HEATR4: variants seen among roughly 807,000 people sequenced by gnomAD.
The protein encoded by HEATR4 is HEAT repeat containing 4, also known as HEAT repeat-containing protein 4.
HEATR4 carries 95 observed loss-of-function variants against 108.8 expected under a neutral mutation model. That is an observed-to-expected ratio of 0.87 (90% CI 0.74 to 1.04). The LOEUF (loss-of-function observed/expected upper bound fraction) is 1.04. Among genes scored for constraint, HEATR4 ranks in the 50% least tolerant of loss-of-function variants. HEATR4 has a pLI of 0.00. For missense variants in HEATR4, 1,152 were observed against 1,253.8 expected, an observed-to-expected ratio of 0.92 and a Z score of 1.23; for synonymous variants, 443 against 459.4, an observed-to-expected ratio of 0.96 and a Z score of 0.46.
At chr14:73,528,495 G>A (rs1333540581) in intron 2 of HEATR4, among the ~76,000 whole-genome samples, 3 of 151,826 alleles carry the variant, frequency 2.0e-5, no homozygotes, top group African/African-American at 7.3e-5. Context: ...GAAAAGGAAT[G>A]GGGACAGAAC....
chr14:73,591,747 A>AC, the HEATR4 span: 1 of 446,380 alleles, frequency 2.2e-6, no homozygotes, highest in East Asian at 3.6e-5. Context: ...CAAGGAGACG[A>AC]CCCTGAAGAG....
chr14:73,600,782 G>A, the HEATR4 span, among the ~76,000 whole-genome samples: 9 of 151,954 alleles, frequency 5.9e-5, no homozygotes, highest in Non-Finnish European at 1.2e-4. Flanking sequence ...AACTTTGTGG[G>A]GTTTTCTAAA....
At chr14:73,590,414 C>T in the HEATR4 span, among the ~76,000 whole-genome samples, 20 of 152,282 alleles carry the variant, frequency 1.3e-4, no homozygotes, top group South Asian at 4.1e-4. Flanking sequence ...CAGCTGGCTT[C>T]ACCCAGTGGA....
Position 73,509,507 on chromosome 14 carries a change from G to A in HEATR4, c.1559-34C>T, listed in dbSNP as rs749997671. ...AAAAGAGCCAGGTAAGAGAGTACTA[G>A]CCCCTTTGCTTTTCTCACACACAGC... On this transcript the variant is annotated intron_variant, in intron 7 of 17. Coordinates refer to ENST00000553558, the MANE Select transcript of HEATR4 (RefSeq NM_001220484.1). 5 of 1,606,818 alleles carry A rather than the reference G, an allele frequency of 3.1e-6. No individual in the cohort carries two copies. In the South Asian group the frequency reaches 5.5e-5, roughly 18 times the overall value.
Position 73,551,533 on chromosome 14 carries a change from C to T in HEATR4, c.-152+7218G>A, listed in dbSNP as rs1417864629. ...TTAAGAGACAAAATGGCAGGCCAGG[C>T]GCGGTGGCTCACGCCTGTAATCCCA... is the stretch of plus-strand genomic sequence containing the variant. On this transcript the variant is annotated intron_variant, in intron 1 of 17. Coordinates refer to ENST00000553558, the MANE Select transcript of HEATR4 (RefSeq NM_001220484.1). 2.6e-5 allele frequency among the ~76,000 whole-genome samples: 3 copies of T among 113,846 alleles called. 1 individual carries two copies. The highest frequency in any genetic ancestry group is 5.7e-5 in the Non-Finnish European group (3 of 52,320). The allele number at this position is 113,846 out of a possible 152,430, so 74.7% of individuals were successfully genotyped here.
chr14:73,579,626 A>AT, the HEATR4 span, among the ~76,000 whole-genome samples: 1 of 148,448 alleles, frequency 6.7e-6, no homozygotes, highest in Non-Finnish European at 1.5e-5. Context: ...TATGTTGCCC[A>AT]TGCTGGTCTT....
chr14:73,607,075 GCCGAGGT>G, the HEATR4 span, among the ~76,000 whole-genome samples: 1 of 152,212 alleles, frequency 6.6e-6, no homozygotes, highest in Non-Finnish European at 1.5e-5. Flanking sequence ...ACTTTGGGAG[GCCGAGGT>G]GGGTGGATCA....
intron 2 of HEATR4, chr14:73,529,336 C>A (rs1473679065): frequency 8.5e-6 from 1 of 118,016 alleles, no homozygotes; most frequent in Non-Finnish European, 1.6e-5. Flanking sequence ...GCCTGGGCAA[C>A]AGAGTGAGAC....
the HEATR4 span, among the ~76,000 whole-genome samples, chr14:73,624,239 C>A: frequency 1.1e-4 from 16 of 152,086 alleles, no homozygotes; most frequent in Admixed American, 3.9e-4. Context: ...TCTCCTACCT[C>A]AGCATCCCGA....
chr14:73,513,240 C>A (rs143035316), intron 6 of HEATR4, among the ~76,000 whole-genome samples: 3,038 of 152,020 alleles, frequency 0.02, 113 homozygotes, highest in African/African-American at 0.07. Flanking sequence ...GGGGAGATCA[C>A]CTGAAGTCAG....
chr14:73,555,451 TAA>T (rs1423412925), intron 1 of HEATR4, among the ~76,000 whole-genome samples: 2 of 99,060 alleles, frequency 2.0e-5, no homozygotes, highest in Admixed American at 1.1e-4. Context: ...TATTCTTAGT[TAA>T]AAAAAAAAAA....
At position 73,503,881 on chromosome 14, in the gene HEATR4, C is replaced by G. The variant is rs1886643498; in HGVS notation, c.1987-868G>C. ...ATAGACATACTGCCTTTCTTAGCTCCAGCAATCTGCCATGAAGTCCTCATC... is the reference window on the plus strand; with the variant it reads ...ATAGACATACTGCCTTTCTTAGCTCGAGCAATCTGCCATGAAGTCCTCATC... On this transcript the variant is annotated intron_variant, in intron 10 of 17. Transcript: ENST00000553558. Among the ~76,000 whole-genome samples the G allele has an allele frequency of 2.0e-5, 3 of 152,146 alleles. No individual in the cohort carries two copies. In the South Asian group the frequency reaches 6.2e-4, roughly 32 times the overall value.
chr14:73,560,221 G>C (rs1012492200), upstream of HEATR4, among the ~76,000 whole-genome samples: 6 of 152,090 alleles, frequency 3.9e-5, no homozygotes, highest in Non-Finnish European at 5.9e-5. Flanking sequence ...CGTTGACCCA[G>C]GTCATGCTAT....
chr14:73,499,023 G>T, intron 13 of HEATR4, 48 bp downstream of exon 13: 1 of 1,509,250 alleles, frequency 6.6e-7, no homozygotes, highest in Non-Finnish European at 9.2e-7. Context: ...ACTTGCATAG[G>T]CAAAGGTATT....
chr14:73,524,310 A>AAATATATATATATATATATATAT, intron 2 of HEATR4, among the ~76,000 whole-genome samples: 4 of 54,782 alleles, frequency 7.3e-5, no homozygotes, highest in Admixed American at 2.8e-4. Context: ...AAAAAAAAAA[A>AAATATATATATATATATATATAT]ATATATATAT....
At position 73,531,886 on chromosome 14, in the gene HEATR4, G is replaced by C. The variant is rs866167140; in HGVS notation, c.-151-1642C>G. ...AATAGAAAATTTAAAAAGAAAATCA[G>C]CTGGGCCTGGTGGCGCATGCCTGTA... is the stretch of plus-strand genomic sequence containing the variant. On this transcript the variant is annotated intron_variant, in intron 1 of 17. Coordinates refer to ENST00000553558, the MANE Select transcript of HEATR4 (RefSeq NM_001220484.1). 9.7e-4 allele frequency among the ~76,000 whole-genome samples: 110 copies of C among 113,502 alleles called. 22 individuals carry two copies. The highest frequency in any genetic ancestry group is 2.4e-3 in the African/African-American group (83 of 35,034). The allele number at this position is 113,502 out of a possible 152,430, so 74.5% of individuals were successfully genotyped here. A position where few individuals can be genotyped will look rare whatever the true frequency, so the allele number is the denominator to read the frequency against.
chr14:73,546,654 G>A (rs1304504612), intron 1 of HEATR4, among the ~76,000 whole-genome samples: 1 of 114,922 alleles, frequency 8.7e-6, no homozygotes, highest in African/African-American at 2.8e-5. Context: ...ATGAGCAACC[G>A]GGCCCAGCCT....
At chr14:73,519,629 A>C (rs1887852357) in intron 4 of HEATR4, among the ~76,000 whole-genome samples, 1 of 152,222 alleles carries the variant, frequency 6.6e-6, no homozygotes, top group Admixed American at 6.5e-5. Context: ...AGGCTGAGGC[A>C]GGAGAATCAG....
At chr14:73,513,595 C>T (rs1479683077) in intron 6 of HEATR4, among the ~76,000 whole-genome samples, 1 of 151,746 alleles carries the variant, frequency 6.6e-6, no homozygotes, top group Non-Finnish European at 1.5e-5. Context: ...AGTGTGGTGG[C>T]GGGTGCCTGT....
Sources: allele counts gnomAD v4.1 joint callset (sites outside exome capture counted in the v4.1 genomes callset), GRCh38; gene constraint gnomAD v4.1.1; transcripts MANE v1.5; gene names NCBI Gene and HGNC (gene_info 2026-07-23, HGNC 2026-07-21).